ZBTB20: variants seen among roughly 807,000 people sequenced by gnomAD.
ZBTB20 encodes zinc finger and BTB domain-containing protein 20.
In ZBTB20, 9 loss-of-function variants were observed where a neutral mutation model predicts 56.9. The ratio of observed to expected loss-of-function variants is 0.16; its 90% CI spans 0.10 to 0.28. The LOEUF (loss-of-function observed/expected upper bound fraction) is 0.28, where lower values mean the gene tolerates loss of function less well. ZBTB20 is among the 10% of genes least tolerant of loss of function. The probability of loss-of-function intolerance (pLI) is 1.00; values close to 1 mark genes in which losing one functional copy is unlikely to be tolerated. For synonymous variants in ZBTB20, 417 were observed against 420.7 expected, an observed-to-expected ratio of 0.99 and a Z score of 0.11; for missense variants, 655 against 1,003.0, an observed-to-expected ratio of 0.65 and a Z score of 4.69.
chr3:115,002,256 C>T (rs771496873), intron 2 of ZBTB20, among the ~76,000 whole-genome samples: 1 of 151,322 alleles, frequency 6.6e-6, no homozygotes, highest in Non-Finnish European at 1.5e-5. Flanking sequence ...ATGTACAATG[C>T]AAAACTGTAA....
intron 6 of ZBTB20, among the ~76,000 whole-genome samples, chr3:114,674,608 T>C (rs1350521173): frequency 6.6e-6 from 1 of 152,134 alleles, no homozygotes; most frequent in Non-Finnish European, 1.5e-5. Flanking sequence ...AGTCAATTGG[T>C]ATAACTCAAA....
At chr3:114,756,731 C>T (rs1397671571) in intron 5 of ZBTB20, among the ~76,000 whole-genome samples, 2 of 152,052 alleles carry the variant, frequency 1.3e-5, no homozygotes, top group Non-Finnish European at 2.9e-5. Flanking sequence ...GAGAATGATC[C>T]AGCCAGTCTC....
At position 114,397,485 on chromosome 3, in the gene ZBTB20, T is replaced by A. The variant is rs1446745911; in HGVS notation, c.-254-8380A>T. Among the ~76,000 whole-genome samples, 316 of 152,268 alleles carry A rather than the reference T, an allele frequency of 2.1e-3. 2 individuals are homozygous for A. Among genetic ancestry groups the A allele is most frequent in the African/African-American group, 7.2e-3 (298 of 41,566 alleles). On this transcript the variant is annotated intron_variant, in intron 7 of 11. Coordinates refer to ENST00000675478, the MANE Select transcript of ZBTB20 (RefSeq NM_001348800.3). ...TGAAGGTTATTCTCTCTACTTCTCT[T>A]TATCTTCCTTTGGTTTCATCAGGGA... is the stretch of plus-strand genomic sequence containing the variant.
At chr3:114,936,595 A>G (rs2076543321) in intron 3 of ZBTB20, among the ~76,000 whole-genome samples, 1 of 152,256 alleles carries the variant, frequency 6.6e-6, no homozygotes, top group Non-Finnish European at 1.5e-5. Flanking sequence ...TGGATAAATT[A>G]GTAAAACAAA....
At chr3:114,649,346 T>C (rs1274261) in intron 6 of ZBTB20, among the ~76,000 whole-genome samples, 11 of 151,734 alleles carry the variant, frequency 7.2e-5, no homozygotes, top group Non-Finnish European at 1.6e-4. Flanking sequence ...TGAGAAGCTG[T>C]TTACACACAA....
chr3:114,652,148 A>G (rs548833724), intron 6 of ZBTB20, among the ~76,000 whole-genome samples: 11 of 152,218 alleles, frequency 7.2e-5, no homozygotes, highest in Non-Finnish European at 1.6e-4. Context: ...GTATATATTT[A>G]CCACCATAAC....
chr3:115,058,883 G>C (rs999015149), intron 2 of ZBTB20, among the ~76,000 whole-genome samples: 10 of 152,126 alleles, frequency 6.6e-5, no homozygotes, highest in African/African-American at 2.4e-4. Flanking sequence ...CTCAGATTGT[G>C]TGTGTGCTTC....
intron 5 of ZBTB20, among the ~76,000 whole-genome samples, chr3:114,750,609 A>C (rs1269188700): frequency 6.6e-6 from 1 of 152,130 alleles, no homozygotes; most frequent in Non-Finnish European, 1.5e-5. Flanking sequence ...CTGAGGGGGA[A>C]AAAATAGGCA....
intron 5 of ZBTB20, among the ~76,000 whole-genome samples, chr3:114,711,253 T>C (rs2064057845): frequency 1.3e-5 from 2 of 152,242 alleles, no homozygotes; most frequent in African/African-American, 2.4e-5. Flanking sequence ...ATAAGTTTCA[T>C]AGGAAACTTT....
At chr3:114,555,369 G>C (rs1320023687) in intron 6 of ZBTB20, among the ~76,000 whole-genome samples, 3 of 152,006 alleles carry the variant, frequency 2.0e-5, no homozygotes, top group Non-Finnish European at 4.4e-5. Context: ...AATAGTGATG[G>C]ACAGAATCTC....
intron 3 of ZBTB20, among the ~76,000 whole-genome samples, chr3:114,933,559 A>G (rs1560414035): frequency 6.6e-6 from 1 of 152,248 alleles, no homozygotes; most frequent in South Asian, 2.1e-4. Flanking sequence ...TCACAGTATC[A>G]GGAATAAGCA....
chr3:114,616,710 G>C (rs754137609), intron 6 of ZBTB20, among the ~76,000 whole-genome samples: 1 of 152,108 alleles, frequency 6.6e-6, no homozygotes, highest in Non-Finnish European at 1.5e-5. Context: ...GTCTGTCCCT[G>C]ACATCTCCAG....
intron 2 of ZBTB20, among the ~76,000 whole-genome samples, chr3:115,044,147 C>G (rs1172997473): frequency 6.6e-6 from 1 of 152,330 alleles, no homozygotes; most frequent in Non-Finnish European, 1.5e-5. Flanking sequence ...AATTAAACCT[C>G]TTTTCTTTAT....
chr3:114,998,507 CAG>C (rs1002725978), intron 2 of ZBTB20, among the ~76,000 whole-genome samples: 2 of 151,568 alleles, frequency 1.3e-5, no homozygotes, highest in African/African-American at 4.8e-5. Flanking sequence ...CAAATAAAAA[CAG>C]GGGTGCATAA....
chr3:114,588,235 T>C (rs1168801792), intron 6 of ZBTB20, among the ~76,000 whole-genome samples: 1 of 152,208 alleles, frequency 6.6e-6, no homozygotes, highest in Non-Finnish European at 1.5e-5. Context: ...GTATCCTTTG[T>C]TCGGTCTTCT....
chr3:114,528,931 T>C (rs1378479093), intron 6 of ZBTB20: 1 of 152,220 alleles, frequency 6.6e-6, no homozygotes, highest in Admixed American at 6.5e-5. Flanking sequence ...GCTCTACCCA[T>C]GCAGGTGAAG....
At chr3:114,945,891 T>C (rs2076870473) in intron 3 of ZBTB20, among the ~76,000 whole-genome samples, 3 of 145,128 alleles carry the variant, frequency 2.1e-5, no homozygotes, top group Non-Finnish European at 4.5e-5. Context: ...CACTATACAT[T>C]ATAATATCAG....
In ZBTB20 at chr3:114,661,125, G is replaced by T. The variant is rs542473102; in HGVS notation, c.-295+32403C>A. Among the ~76,000 whole-genome samples, 4 of 152,154 alleles carry T rather than the reference G, an allele frequency of 2.6e-5. No individual in the cohort carries two copies. In the South Asian group the frequency reaches 8.3e-4, roughly 32 times the overall value. On this transcript the variant is annotated intron_variant, in intron 6 of 11. Transcript: ENST00000675478. Reference sequence around the variant, plus strand: ...AGTAGACTGTTCACATTGTACTCAGGGTCCTAAGAAAAGTGGCTCAGTGTC... The same window carrying T: ...AGTAGACTGTTCACATTGTACTCAGTGTCCTAAGAAAAGTGGCTCAGTGTC...
At chr3:114,675,344 C>CGGGGGG (rs2061571644) in intron 6 of ZBTB20, among the ~76,000 whole-genome samples, 1 of 87,378 alleles carries the variant, frequency 1.1e-5, no homozygotes, top group African/African-American at 4.9e-5. Context: ...TTTGCTGGGC[C>CGGGGGG]GGGGGTGGGG....
Sources: allele counts gnomAD v4.1 joint callset (sites outside exome capture counted in the v4.1 genomes callset), GRCh38; gene constraint gnomAD v4.1.1; transcripts MANE v1.5; gene names NCBI Gene and HGNC (gene_info 2026-07-23, HGNC 2026-07-21).